The following USP37 variants were observed in gnomAD, a reference collection of about 807,000 sequenced individuals.
USP37 encodes ubiquitin carboxyl-terminal hydrolase 37.
In USP37, 27 loss-of-function variants were observed where a neutral mutation model predicts 124.0. That is an observed-to-expected ratio of 0.22 (90% CI 0.16 to 0.30). The LOEUF is 0.30. Among genes scored for constraint, USP37 ranks in the 10% least tolerant of loss-of-function variants. The pLI, the probability that USP37 is intolerant of heterozygous loss-of-function variation, is 1.00. For missense variants in USP37, 889 were observed against 1,140.4 expected (o/e 0.78, Z 3.17); for synonymous variants, 365 against 388.0 (o/e 0.94, Z 0.70).
chr2:218,520,947 G>A (rs1690577845), intron 10 of USP37, among the ~76,000 whole-genome samples: 1 of 152,160 alleles, frequency 6.6e-6, no homozygotes, highest in African/African-American at 2.4e-5. Flanking sequence ...ATTGGATCAT[G>A]GAGGTGGATC....
At chr2:218,485,533 A>G (rs1486204341) in intron 16 of USP37, 131 bp downstream of exon 16, 1 of 1,053,212 alleles carries the variant, frequency 9.5e-7, no homozygotes, top group Admixed American at 3.0e-5. Context: ...CTCTTTACCA[A>G]TCCATTCTGG....
chr2:218,501,954 C>T (rs1412359512), intron 11 of USP37, among the ~76,000 whole-genome samples: 1 of 152,090 alleles, frequency 6.6e-6, no homozygotes, highest in African/African-American at 2.4e-5. Flanking sequence ...AAAATTCCAC[C>T]AGTTCGAATT....
chr2:218,522,128 G>C lies in USP37; in HGVS notation c.863+7828C>G, dbSNP rs1690687458. ...TGAGCTCAAGCCATCCTCCTGCCTTGGCCTCCCAAAAGTGCTAGGATTTAT... is the reference window on the plus strand; with the variant it reads ...TGAGCTCAAGCCATCCTCCTGCCTTCGCCTCCCAAAAGTGCTAGGATTTAT... On this transcript the variant is annotated intron_variant, in intron 10 of 25. Transcript: ENST00000258399. Among the ~76,000 whole-genome samples the C allele has an allele frequency of 2.0e-5, 3 of 147,862 alleles. No homozygotes were observed. The Admixed American group carries it at 2.1e-4, about 10-fold the overall frequency.
intron 10 of USP37, among the ~76,000 whole-genome samples, chr2:218,523,978 A>G (rs1372284554): frequency 6.6e-6 from 1 of 152,220 alleles, no homozygotes; most frequent in East Asian, 1.9e-4. Flanking sequence ...CTTTTTATCA[A>G]ACTAGGAACA....
chr2:218,503,818 A>C (rs1689525849), intron 11 of USP37, among the ~76,000 whole-genome samples: 1 of 152,188 alleles, frequency 6.6e-6, no homozygotes, highest in South Asian at 2.1e-4. Flanking sequence ...CAAAGGAAAG[A>C]AAGAAAAGAG....
intron 1 of USP37, among the ~76,000 whole-genome samples, chr2:218,566,165 C>T (rs1693585281): frequency 6.6e-6 from 1 of 152,020 alleles, no homozygotes. Context: ...AGAAGGCTTC[C>T]CTGAGAAGGT....
At position 218,454,661 on chromosome 2, in the gene USP37, T is replaced by C. The variant is rs1023800840; in HGVS notation, c.*269A>G. 4.4e-6 allele frequency: 2 copies of C among 451,606 alleles called. No individual in the cohort carries two copies. The highest frequency in any genetic ancestry group is 7.8e-6 in the Non-Finnish European group (2 of 257,086). The allele number at this position is 451,606 out of a possible 1,614,324, so 28.0% of individuals were successfully genotyped here. A position where few individuals can be genotyped will look rare whatever the true frequency, so the allele number is the denominator to read the frequency against. ...GTGTGTGTATACACACATACACAGA[T>C]ATATATTTACAACATGTATTCCTAA... On this transcript the variant is annotated 3_prime_UTR_variant, in exon 26 of 26. Transcript: ENST00000258399.
At chr2:218,463,495 A>C in intron 21 of USP37, 129 bp from the exon 22 acceptor site, 2 of 701,012 alleles carry the variant, frequency 2.9e-6, no homozygotes, top group Non-Finnish European at 4.7e-6. Flanking sequence ...GATGTTTGGA[A>C]TATTACCTTT....
chr2:218,477,945 A>G (rs1357403489), intron 18 of USP37, among the ~76,000 whole-genome samples: 1 of 152,210 alleles, frequency 6.6e-6, no homozygotes, highest in Non-Finnish European at 1.5e-5. Flanking sequence ...CTTCTAGGTA[A>G]GCCGAAAATA....
At chr2:218,505,288 G>A (rs1021967715) in intron 11 of USP37, among the ~76,000 whole-genome samples, 6 of 152,024 alleles carry the variant, frequency 3.9e-5, no homozygotes, top group African/African-American at 1.4e-4. Context: ...CAAAGTGCTG[G>A]GATTACAGGT....
intron 10 of USP37, among the ~76,000 whole-genome samples, chr2:218,513,334 G>A (rs563873090): frequency 3.5e-4 from 53 of 152,176 alleles, no homozygotes; most frequent in African/African-American, 1.2e-3. Flanking sequence ...GCCCAGTCTA[G>A]AAATTTAATG....
chr2:218,462,729 T>C (rs1463057313), intron 22 of USP37, among the ~76,000 whole-genome samples: 1 of 152,026 alleles, frequency 6.6e-6, no homozygotes, highest in Non-Finnish European at 1.5e-5. Context: ...TTGTTAGAGA[T>C]ATGGGTATAG....
intron 11 of USP37, among the ~76,000 whole-genome samples, chr2:218,501,348 T>C (rs1486757898): frequency 1.3e-5 from 2 of 152,102 alleles, no homozygotes; most frequent in African/African-American, 4.8e-5. Flanking sequence ...GGACACTGTA[T>C]CCTTCTAAGG....
Position 218,454,933 on chromosome 2 carries a change from C to A in USP37, c.2937G>T (p.Leu979Phe). The A allele has an allele frequency of 6.2e-7, 1 of 1,613,988 alleles. No individual in the cohort carries two copies. The highest frequency in any genetic ancestry group is 1.1e-5 in the South Asian group (1 of 91,066). Residue 979 changes from leucine to phenylalanine, a missense_variant, in exon 26 of 26, where the codon TTG becomes TTT. By Grantham distance (22) the Leu-to-Phe change is conservative. Coordinates refer to ENST00000258399, the MANE Select transcript of USP37 (RefSeq NM_020935.3). ...TEVGKTTRQA[L>F] ...TGCCAACCCAGGAGTTTGTTCCTCA[C>A]AAGGCCTGACGGGTAGTCTTCCCCA...
chr2:218,479,216 G>A (rs911453300), intron 18 of USP37, among the ~76,000 whole-genome samples: 2 of 152,036 alleles, frequency 1.3e-5, no homozygotes, highest in Non-Finnish European at 2.9e-5. Flanking sequence ...ACTCCTATTC[G>A]GTGTCAAAGA....
chr2:218,524,634 G>A (rs922362904), intron 10 of USP37, among the ~76,000 whole-genome samples: 3 of 152,036 alleles, frequency 2.0e-5, no homozygotes, highest in Non-Finnish European at 4.4e-5. Flanking sequence ...TTTTTAGATG[G>A]AGTCTCGCGC....
At chr2:218,557,431 A>G (rs1390843464) in intron 4 of USP37, among the ~76,000 whole-genome samples, 1 of 151,910 alleles carries the variant, frequency 6.6e-6, no homozygotes, top group Non-Finnish European at 1.5e-5. Context: ...CATGTGACAA[A>G]CTACTATTTT....
At chr2:218,551,599 A>T (rs1233458550) in intron 5 of USP37, among the ~76,000 whole-genome samples, 8 of 152,194 alleles carry the variant, frequency 5.3e-5, no homozygotes, top group Admixed American at 5.2e-4. Flanking sequence ...TCATTATGCT[A>T]TGTTGTTCAA....
chr2:218,525,183 G>C (rs562062622), intron 10 of USP37, among the ~76,000 whole-genome samples: 2 of 152,230 alleles, frequency 1.3e-5, no homozygotes, highest in South Asian at 2.1e-4. Flanking sequence ...TTGCACATCT[G>C]AAAAATAACA....
Sources: allele counts gnomAD v4.1 joint callset (sites outside exome capture counted in the v4.1 genomes callset), GRCh38; gene constraint gnomAD v4.1.1; transcripts MANE v1.5; gene names NCBI Gene and HGNC (gene_info 2026-07-23, HGNC 2026-07-21).